Variants in ACYP2 observed in about 807,000 individuals in gnomAD.
The protein encoded by ACYP2 is acylphosphatase-2.
A neutral mutation model predicts 11.2 loss-of-function variants in ACYP2; 12 were observed. That is an observed-to-expected ratio of 1.08 (90% CI 0.69 to 1.74). The LOEUF (loss-of-function observed/expected upper bound fraction) is 1.74, where lower values mean the gene tolerates loss of function less well. Ranked by LOEUF, ACYP2 falls within the 40% of genes most tolerant of loss-of-function variation. The pLI is 0.00. For missense variants in ACYP2, 134 were observed against 101.9 expected, an observed-to-expected ratio of 1.31 and a Z score of -1.35; for synonymous variants, 43 against 32.2, an observed-to-expected ratio of 1.33 and a Z score of -1.13.
intron 4 of ACYP2, among the ~76,000 whole-genome samples, chr2:54,103,224 T>C (rs1678992364): frequency 6.6e-6 from 1 of 152,222 alleles, no homozygotes; most frequent in South Asian, 2.1e-4. Context: ...AAGTTTTCTA[T>C]CAAAAGTTGG....
intron 2 of ACYP2, among the ~76,000 whole-genome samples, chr2:53,982,309 A>C (rs1201928141): frequency 2.0e-5 from 3 of 152,242 alleles, no homozygotes; most frequent in African/African-American, 7.2e-5. Flanking sequence ...ACTAAGCAGA[A>C]TACCTTTTGA....
chr2:54,256,733 C>T (rs1470902044), intron 6 of ACYP2, among the ~76,000 whole-genome samples: 7 of 152,228 alleles, frequency 4.6e-5, no homozygotes, highest in Non-Finnish European at 7.3e-5. Context: ...CTGCCGCCTC[C>T]CAAGTTCAAG....
chr2:53,979,697 T>TTTTTTG (rs919652296), intron 2 of ACYP2, among the ~76,000 whole-genome samples: 5 of 151,998 alleles, frequency 3.3e-5, no homozygotes, highest in African/African-American at 1.2e-4. Flanking sequence ...GTGTGTGTGT[T>TTTTTTG]TTTTTGTTTT....
intron 4 of ACYP2, among the ~76,000 whole-genome samples, chr2:54,072,512 T>TTTTTTTC (rs1677108504): frequency 3.8e-5 from 3 of 79,738 alleles, no homozygotes; most frequent in East Asian, 1.0e-3. Context: ...TCTCTCTCTC[T>TTTTTTTC]TTCTTTCTTC....
intron 6 of ACYP2, among the ~76,000 whole-genome samples, chr2:54,201,624 GTTTCTTTCTTTCTC>G (rs1684794825): frequency 9.2e-6 from 1 of 108,724 alleles, no homozygotes. Context: ...TTCTTTCTTT[GTTTCTTTCTTTCTC>G]TTTCTTTCTT....
chr2:54,074,139 A>G (rs1677204624), intron 4 of ACYP2, among the ~76,000 whole-genome samples: 1 of 152,230 alleles, frequency 6.6e-6, no homozygotes. Context: ...CAGGAGTTTT[A>G]TATCAGCCTG....
chr2:54,274,250 A>T (rs909205884), intron 6 of ACYP2, among the ~76,000 whole-genome samples: 4 of 152,266 alleles, frequency 2.6e-5, no homozygotes, highest in Middle Eastern at 3.4e-3. Context: ...ATCTCGTGAG[A>T]CTTACCATTG....
chr2:54,150,047 T>A (rs1482416247), intron 6 of ACYP2, among the ~76,000 whole-genome samples: 1 of 152,224 alleles, frequency 6.6e-6, no homozygotes, highest in African/African-American at 2.4e-5. Context: ...TCCTGTAAAG[T>A]CATTAAATGT....
chr2:54,130,232 TAAA>T (rs1680820155), intron 4 of ACYP2, among the ~76,000 whole-genome samples: 1 of 152,090 alleles, frequency 6.6e-6, no homozygotes, highest in Non-Finnish European at 1.5e-5. Context: ...TATGGAGGGA[TAAA>T]TAATGGGAAG....
At chr2:54,222,680 A>T (rs1685849805) in intron 6 of ACYP2, among the ~76,000 whole-genome samples, 1 of 152,188 alleles carries the variant, frequency 6.6e-6, no homozygotes, top group Non-Finnish European at 1.5e-5. Context: ...CATATAAATT[A>T]GCTCAGACCC....
At chr2:54,004,503 C>T (rs902025893) in intron 2 of ACYP2, among the ~76,000 whole-genome samples, 8 of 148,392 alleles carry the variant, frequency 5.4e-5, no homozygotes, top group Admixed American at 4.8e-4. Flanking sequence ...TTCTGTCTTC[C>T]GGGTTCACAC....
chr2:54,054,427 G>T (rs1427391526), intron 3 of ACYP2, among the ~76,000 whole-genome samples: 1 of 152,206 alleles, frequency 6.6e-6, no homozygotes, highest in African/African-American at 2.4e-5. Context: ...TGAAAAGGAA[G>T]TTCGAAGTCC....
At chr2:54,194,830 C>T (rs1010666304) in intron 6 of ACYP2, among the ~76,000 whole-genome samples, 1 of 152,084 alleles carries the variant, frequency 6.6e-6, no homozygotes, top group Non-Finnish European at 1.5e-5. Flanking sequence ...TACCTTCTTA[C>T]AATGCTATCC....
At chr2:53,974,785 C>G (rs1487519601) in intron 2 of ACYP2, among the ~76,000 whole-genome samples, 1 of 152,150 alleles carries the variant, frequency 6.6e-6, no homozygotes, top group Non-Finnish European at 1.5e-5. Flanking sequence ...TCTGCCAGTG[C>G]TTTACCTACA....
intron 4 of ACYP2, among the ~76,000 whole-genome samples, chr2:54,070,753 G>T (rs1429318351): frequency 6.8e-4 from 94 of 138,722 alleles, no homozygotes; most frequent in African/African-American, 2.0e-3. Flanking sequence ...TTTTTTTGGT[G>T]GGGGCAGGGT....
chr2:54,007,496 AC>A (rs1426297986), intron 2 of ACYP2, among the ~76,000 whole-genome samples: 3 of 152,058 alleles, frequency 2.0e-5, no homozygotes, highest in African/African-American at 7.2e-5. Flanking sequence ...CTTGTGATCC[AC>A]CCACCTTGGC....
intron 2 of ACYP2, among the ~76,000 whole-genome samples, chr2:54,032,826 A>C (rs935131738): frequency 6.6e-6 from 1 of 152,226 alleles, no homozygotes; most frequent in Non-Finnish European, 1.5e-5. Context: ...AAAAGAGAAC[A>C]CAAACAAATG....
At chr2:54,145,245 T>G (rs948031634) in intron 6 of ACYP2, among the ~76,000 whole-genome samples, 3 of 152,178 alleles carry the variant, frequency 2.0e-5, no homozygotes, top group Non-Finnish European at 2.9e-5. Context: ...CTTAAAAAAT[T>G]TTGTTAAATC....
Position 54,167,305 on chromosome 2 carries a change from T to C in ACYP2, c.404+28557T>C, listed in dbSNP as rs546737362. On this transcript the variant is annotated intron_variant, in intron 6 of 6. Transcript: ENST00000607452. ...CATTTCTATATCATTGTCCAAATAATTGAGGACAGCTTTGAACAGCACAGG... is the reference window on the plus strand; with the variant it reads ...CATTTCTATATCATTGTCCAAATAACTGAGGACAGCTTTGAACAGCACAGG... Among the ~76,000 whole-genome samples, 23 of 152,360 alleles carry C rather than the reference T, an allele frequency of 1.5e-4. No individual in the cohort carries two copies. In the East Asian group the frequency reaches 1.7e-3, roughly 11 times the overall value.
Sources: allele counts gnomAD v4.1 joint callset (sites outside exome capture counted in the v4.1 genomes callset), GRCh38; gene constraint gnomAD v4.1.1; transcripts MANE v1.5; gene names NCBI Gene and HGNC (gene_info 2026-07-23, HGNC 2026-07-21).